SMARCC1: variants seen among roughly 807,000 people sequenced by gnomAD.
The protein encoded by SMARCC1 is SWI/SNF complex subunit SMARCC1.
A neutral mutation model predicts 147.4 loss-of-function variants in SMARCC1; 43 were observed. The observed-to-expected ratio is 0.29, with a 90% CI of 0.23 to 0.38. The LOEUF is 0.38. SMARCC1 is among the 10% of genes least tolerant of loss of function. The pLI is 1.00. For missense variants in SMARCC1, 1,119 were observed against 1,381.1 expected (o/e 0.81, Z 3.01); for synonymous variants, 495 against 484.4 (o/e 1.02, Z -0.29).
intron 26 of SMARCC1, among the ~76,000 whole-genome samples, chr3:47,600,656 C>T (rs775895020): frequency 6.6e-6 from 1 of 152,118 alleles, no homozygotes; most frequent in Non-Finnish European, 1.5e-5. Context: ...GAGTAACTTT[C>T]CCCTTAGAAA....
chr3:47,686,339 A>T lies in SMARCC1; in HGVS notation c.1264-169T>A, dbSNP rs375907744. On this transcript the variant is annotated intron_variant, in intron 13 of 27. Coordinates refer to ENST00000254480, the MANE Select transcript of SMARCC1 (RefSeq NM_003074.4). ...AACAACCTTTCACAGTATTTAAGGT[A>T]CAAGGTAGCCAGCTGATAAGGTTTT... Among the ~76,000 whole-genome samples, 9 of 152,360 alleles carry T rather than the reference A, an allele frequency of 5.9e-5. No individual in the cohort carries two copies. The South Asian group carries it at 1.9e-3, about 32-fold the overall frequency.
chr3:47,600,998 T>TGAGAGAGAGAGAGAGAGA lies in SMARCC1; in HGVS notation c.3043+9050_3043+9067dup, dbSNP rs66582985. On this transcript the variant is annotated intron_variant, in intron 26 of 27. Transcript: ENST00000254480. ...CCAGCAGACAGGGAGAGGAAGAAAA[T>TGAGAGAGAGAGAGAGAGA]GAGAGAGAGAGAGAGAGAGAGAGAG... is the stretch of plus-strand genomic sequence containing the variant. Among the ~76,000 whole-genome samples, 225 of 85,176 alleles carry TGAGAGAGAGAGAGAGAGA rather than the reference T, an allele frequency of 2.6e-3. 25 individuals carry two copies. The highest frequency in any genetic ancestry group is 3.2e-3 in the Non-Finnish European group (143 of 45,016). The allele number at this position is 85,176 out of a possible 152,430, so 55.9% of individuals were successfully genotyped here.
intron 24 of SMARCC1, among the ~76,000 whole-genome samples, chr3:47,634,304 T>C (rs549470391): frequency 1.6e-4 from 24 of 152,276 alleles, no homozygotes; most frequent in South Asian, 1.5e-3. Context: ...CTAACCTCCA[T>C]TGTCTCTATC....
chr3:47,749,041 T>C (rs1483548124), intron 2 of SMARCC1, among the ~76,000 whole-genome samples: 2 of 151,930 alleles, frequency 1.3e-5, no homozygotes, highest in African/African-American at 2.4e-5. Flanking sequence ...ATAAAGAGTA[T>C]CCTGTAATCC....
At chr3:47,616,125 T>C (rs1430444136) in intron 25 of SMARCC1, among the ~76,000 whole-genome samples, 1 of 152,252 alleles carries the variant, frequency 6.6e-6, no homozygotes, top group Non-Finnish European at 1.5e-5. Flanking sequence ...CATTCAAATG[T>C]AAACGGCTTA....
chr3:47,756,247 T>C (rs562892337), intron 2 of SMARCC1, among the ~76,000 whole-genome samples: 1 of 149,142 alleles, frequency 6.7e-6, no homozygotes, highest in Non-Finnish European at 1.5e-5. Flanking sequence ...AAGGCAAAGA[T>C]TTCTGGCCAG....
At chr3:47,595,858 C>T (rs1022896647) in intron 26 of SMARCC1, among the ~76,000 whole-genome samples, 3 of 151,582 alleles carry the variant, frequency 2.0e-5, no homozygotes, top group African/African-American at 7.3e-5. Context: ...CCTCAGCCTC[C>T]CGAATAGCTG....
At chr3:47,733,342 C>T (rs1158056279) in intron 5 of SMARCC1, among the ~76,000 whole-genome samples, 1 of 152,044 alleles carries the variant, frequency 6.6e-6, no homozygotes, top group African/African-American at 2.4e-5. Flanking sequence ...CTTTGGGAGG[C>T]CGAGGTAGCA....
At position 47,588,011 on chromosome 3, in the gene SMARCC1, T is replaced by G. The variant is rs915431233; in HGVS notation, c.*198A>C. ...GCACACTGTCACTACAGGTTTCCCC[T>G]TGAGTGTTGGCTGAGGACCCAACAC... On this transcript the variant is annotated 3_prime_UTR_variant, in exon 28 of 28. Transcript: ENST00000254480. 1.7e-6 allele frequency: 1 copy of G among 572,198 alleles called. No individual in the cohort carries two copies. The highest frequency in any genetic ancestry group is 3.1e-6 in the Non-Finnish European group (1 of 322,258). 35.4% of individuals were successfully genotyped at this position (572,198 alleles called of 1,614,324 possible).
At chr3:47,604,677 G>T in intron 26 of SMARCC1, 1 of 153,852 alleles carries the variant, frequency 6.5e-6, no homozygotes, top group Non-Finnish European at 1.4e-5. Context: ...CTTTAAAATA[G>T]TGGGTTTAAT....
intron 2 of SMARCC1, among the ~76,000 whole-genome samples, chr3:47,753,049 C>A (rs983055919): frequency 6.6e-6 from 1 of 152,164 alleles, no homozygotes; most frequent in Admixed American, 6.6e-5. Context: ...CTGAATGAAA[C>A]TTAGAATAAA....
At chr3:47,589,393 A>C (rs925591157) in intron 27 of SMARCC1, among the ~76,000 whole-genome samples, 1 of 152,192 alleles carries the variant, frequency 6.6e-6, no homozygotes, top group Non-Finnish European at 1.5e-5. Flanking sequence ...CCAGCAGGAC[A>C]TGACAGTGGT....
intron 21 of SMARCC1, among the ~76,000 whole-genome samples, chr3:47,645,192 C>T (rs770800493): frequency 4.0e-5 from 6 of 151,730 alleles, no homozygotes; most frequent in Non-Finnish European, 8.8e-5. Flanking sequence ...AAGAAGACTG[C>T]TTGATCCCAG....
rs1378885014 is a variant in SMARCC1, at chr3:47,689,380, T to C, written c.1263+7A>G. 20 of 1,610,606 alleles carry C rather than the reference T, an allele frequency of 1.2e-5. No individual in the cohort carries two copies. The highest frequency in any genetic ancestry group is 1.4e-5 in the Non-Finnish European group (17 of 1,176,894). On this transcript the variant is annotated splice_region_variant and intron_variant, in intron 13 of 27. Transcript: ENST00000254480. ...CTCTCTCACACCAGGCTTAACTGAA[T>C]TGTTACCTTTCCTCCTGCTGTGACT...
intron 2 of SMARCC1, among the ~76,000 whole-genome samples, chr3:47,754,917 C>T (rs2034671750): frequency 6.6e-6 from 1 of 152,052 alleles, no homozygotes; most frequent in Admixed American, 6.6e-5. Context: ...GTGGCGGGCA[C>T]TTGTAATCCC....
chr3:47,680,726 T>C (rs1317393452), intron 14 of SMARCC1, among the ~76,000 whole-genome samples: 1 of 151,610 alleles, frequency 6.6e-6, no homozygotes, highest in Non-Finnish European at 1.5e-5. Context: ...TTTTTGTATT[T>C]TTAGTAGAGA....
At position 47,616,467 on chromosome 3, in the gene SMARCC1, CAG is replaced by C. The variant is rs576272337; in HGVS notation, c.2781+5738_2781+5739del. 2.0e-3 allele frequency among the ~76,000 whole-genome samples: 296 copies of C among 151,174 alleles called. 3 individuals are homozygous for C. The highest frequency in any genetic ancestry group is 6.6e-3 in the African/African-American group (273 of 41,176). ...CAAATTCGATTTTTTTTTTTTGAGA[CAG>C]AGTTTCGCTATTGTCACCCAGGCTG... On this transcript the variant is annotated intron_variant, in intron 25 of 27. Coordinates refer to ENST00000254480, the MANE Select transcript of SMARCC1 (RefSeq NM_003074.4).
At chr3:47,673,480 G>C (rs2033531013) in intron 18 of SMARCC1, among the ~76,000 whole-genome samples, 1 of 150,118 alleles carries the variant, frequency 6.7e-6, no homozygotes, top group Non-Finnish European at 1.5e-5. Context: ...CTAAGGTCAG[G>C]AGTTCAAAGA....
chr3:47,651,611 A>C (rs2033191858), intron 21 of SMARCC1, among the ~76,000 whole-genome samples: 1 of 152,170 alleles, frequency 6.6e-6, no homozygotes, highest in South Asian at 2.1e-4. Flanking sequence ...CTCAAAAGTC[A>C]CTTTCTCAAT....
Sources: gnomAD v4.1 joint callset for allele counts (sites outside exome capture counted in the v4.1 genomes callset) on GRCh38, gnomAD v4.1.1 for gene constraint, MANE v1.5 for transcripts, NCBI Gene and HGNC (gene_info 2026-07-23, HGNC 2026-07-21) for gene names.